NEK11: variants seen among roughly 807,000 people sequenced by gnomAD.
The protein encoded by NEK11 is NIMA related kinase 11, also known as serine/threonine-protein kinase Nek11.
A neutral mutation model predicts 80.7 loss-of-function variants in NEK11; 72 were observed. That is an observed-to-expected ratio of 0.89 (90% CI 0.74 to 1.08). The LOEUF is 1.08. Among genes scored for constraint, NEK11 ranks in the 50% least tolerant of loss-of-function variants. The probability of loss-of-function intolerance (pLI) is 0.00; values close to 1 mark genes in which losing one functional copy is unlikely to be tolerated. For synonymous variants in NEK11, 251 were observed against 260.7 expected (o/e 0.96, Z 0.36); for missense variants, 764 against 763.6 (o/e 1.00, Z -0.01).
intron 10 of NEK11, among the ~76,000 whole-genome samples, chr3:131,161,227 C>A (rs1312400580): frequency 6.6e-6 from 1 of 151,752 alleles, no homozygotes; most frequent in Non-Finnish European, 1.5e-5. Flanking sequence ...ACTCATACAC[C>A]ATTGGTGGAA....
intron 16 of NEK11, among the ~76,000 whole-genome samples, chr3:131,255,489 G>A (rs1426901713): frequency 3.3e-5 from 5 of 152,048 alleles, no homozygotes; most frequent in Non-Finnish European, 5.9e-5. Context: ...TCCTAACCTG[G>A]CACACAAGAT....
chr3:131,321,609 G>A (rs572194413), intron 17 of NEK11, among the ~76,000 whole-genome samples: 2 of 152,046 alleles, frequency 1.3e-5, no homozygotes, highest in South Asian at 4.2e-4. Flanking sequence ...TGTAATAAAG[G>A]TCTAGTATCC....
chr3:131,322,284 C>T (rs1350372545), intron 17 of NEK11, among the ~76,000 whole-genome samples: 1 of 151,848 alleles, frequency 6.6e-6, no homozygotes, highest in Non-Finnish European at 1.5e-5. Flanking sequence ...CAATGAAGAC[C>T]ACTAGAGGAG....
intron 7 of NEK11, among the ~76,000 whole-genome samples, chr3:131,148,860 T>C (rs897886905): frequency 2.6e-5 from 4 of 151,722 alleles, no homozygotes; most frequent in African/African-American, 7.3e-5. Flanking sequence ...ATAAATTTTA[T>C]GCATACATAA....
At chr3:131,263,518 T>G (rs1389397191) in intron 16 of NEK11, among the ~76,000 whole-genome samples, 1 of 152,164 alleles carries the variant, frequency 6.6e-6, no homozygotes, top group African/African-American at 2.4e-5. Context: ...CCAGCTTTGT[T>G]CTTTTGGCTT....
intron 17 of NEK11, among the ~76,000 whole-genome samples, chr3:131,308,795 T>G (rs903840972): frequency 2.0e-5 from 3 of 152,168 alleles, no homozygotes; most frequent in Middle Eastern, 3.2e-3. Flanking sequence ...GTCCCTGACT[T>G]TTTTGACACC....
chr3:131,340,684 C>T (rs567190126), intron 17 of NEK11, among the ~76,000 whole-genome samples: 1 of 152,116 alleles, frequency 6.6e-6, no homozygotes, highest in Admixed American at 6.5e-5. Context: ...CATTAGGGAA[C>T]CTTCCTTCAG....
In NEK11 at chr3:131,152,415, G is replaced by A; in HGVS notation, c.675G>A (p.Met225Ile). ...CACTGGCATGCATTTTGTATGAGATGTGCTGCATGAATCATGCATTCGCTG... is the reference window on the plus strand; with the variant it reads ...CACTGGCATGCATTTTGTATGAGATATGCTGCATGAATCATGCATTCGCTG... ...IWSLACILYE[M>I]CCMNHAFAGS... Residue 225 changes from methionine to isoleucine, a missense_variant, in exon 8 of 18, where the codon ATG becomes ATA. Coordinates refer to ENST00000383366, the MANE Select transcript of NEK11 (RefSeq NM_024800.5). The A allele has an allele frequency of 1.2e-6, 2 of 1,612,946 alleles. No individual in the cohort carries two copies. The highest frequency in any genetic ancestry group is 1.7e-6 in the Non-Finnish European group (2 of 1,179,532).
intron 16 of NEK11, among the ~76,000 whole-genome samples, chr3:131,255,741 T>A (rs1037482675): frequency 6.6e-6 from 1 of 152,210 alleles, no homozygotes; most frequent in Non-Finnish European, 1.5e-5. Context: ...TATGCCATAC[T>A]ATGTGTTGGC....
chr3:131,243,607 G>A (rs1302154976), intron 16 of NEK11, 111 bp downstream of exon 16: 3 of 860,330 alleles, frequency 3.5e-6, no homozygotes, highest in Non-Finnish European at 5.4e-6. Context: ...TATAACAGAT[G>A]AAGAAACTGA....
chr3:131,199,537 C>G (rs985922189), intron 14 of NEK11, among the ~76,000 whole-genome samples: 2 of 150,706 alleles, frequency 1.3e-5, no homozygotes, highest in African/African-American at 4.9e-5. Context: ...TTTTATTCAA[C>G]AGTTTTTTAA....
intron 3 of NEK11, among the ~76,000 whole-genome samples, chr3:131,057,594 A>G (rs1420398809): frequency 2.6e-5 from 4 of 152,086 alleles, no homozygotes; most frequent in Non-Finnish European, 5.9e-5. Context: ...CTGGTGTGAG[A>G]TGGTATCTAA....
In NEK11 at chr3:131,199,425, A is replaced by G. The variant is rs574750333; in HGVS notation, c.1399+28538A>G. The stretch of plus-strand genomic sequence containing the variant: ...AAAGATTTACAAGACAGAATATACA[A>G]TGTTAACAAAAGTGTGGGGGAAAAC... On this transcript the variant is annotated intron_variant, in intron 14 of 17. Coordinates refer to ENST00000383366, the MANE Select transcript of NEK11 (RefSeq NM_024800.5). Among the ~76,000 whole-genome samples the G allele has an allele frequency of 1.2e-4, 18 of 152,288 alleles. No homozygotes were observed. The South Asian group carries it at 3.7e-3, about 32-fold the overall frequency.
intron 4 of NEK11, among the ~76,000 whole-genome samples, chr3:131,082,940 A>G (rs1459244044): frequency 1.3e-5 from 2 of 152,226 alleles, no homozygotes; most frequent in East Asian, 3.8e-4. Flanking sequence ...TTATGTAACC[A>G]TAGTACAGTA....
Position 131,180,721 on chromosome 3 carries a change from T to C in NEK11, c.1399+9834T>C, listed in dbSNP as rs115096962. Among the ~76,000 whole-genome samples, 1,239 of 152,328 alleles carry C rather than the reference T, an allele frequency of 8.1e-3. 22 individuals are homozygous for C. The highest frequency in any genetic ancestry group is 0.028 in the African/African-American group (1,171 of 41,568). On this transcript the variant is annotated intron_variant, in intron 14 of 17. Transcript: ENST00000383366. The stretch of plus-strand genomic sequence containing the variant: ...ATCAATTTTGAGATGAATCATTATA[T>C]TATATATCATTAATAAAACTACTGT...
intron 4 of NEK11, among the ~76,000 whole-genome samples, chr3:131,092,202 A>G (rs906584104): frequency 1.3e-5 from 2 of 152,216 alleles, no homozygotes; most frequent in Non-Finnish European, 2.9e-5. Flanking sequence ...TGAAATACAT[A>G]ATTCATGGCA....
intron 16 of NEK11, among the ~76,000 whole-genome samples, chr3:131,268,129 A>T (rs1045650102): frequency 1.3e-5 from 2 of 152,076 alleles, no homozygotes; most frequent in African/African-American, 4.8e-5. Context: ...CAGGTCATTT[A>T]TGTTCTTCTC....
chr3:131,066,840 CAAAAA>C (rs56140132), intron 3 of NEK11, among the ~76,000 whole-genome samples: 1 of 99,776 alleles, frequency 1.0e-5, no homozygotes, highest in South Asian at 3.2e-4. Context: ...AGACTTGTCT[CAAAAA>C]AAAAAAAAAA....
At chr3:131,039,082 G>A (rs1437666481) in intron 3 of NEK11, among the ~76,000 whole-genome samples, 1 of 152,158 alleles carries the variant, frequency 6.6e-6, no homozygotes, top group African/African-American at 2.4e-5. Context: ...AGCCTATTAA[G>A]TTATTGTATC....
Sources: allele counts gnomAD v4.1 joint callset (sites outside exome capture counted in the v4.1 genomes callset), GRCh38; gene constraint gnomAD v4.1.1; transcripts MANE v1.5; gene names NCBI Gene and HGNC (gene_info 2026-07-23, HGNC 2026-07-21).